The following L3MBTL4 variants were observed in gnomAD, a reference collection of about 807,000 sequenced individuals.
The protein encoded by L3MBTL4 is L3MBTL histone methyl-lysine binding protein 4, also known as lethal(3)malignant brain tumor-like protein 4.
A neutral mutation model predicts 84.5 loss-of-function variants in L3MBTL4; 70 were observed. The ratio of observed to expected loss-of-function variants is 0.83; its 90% CI spans 0.68 to 1.01. The LOEUF is 1.01. Among genes scored for constraint, L3MBTL4 ranks in the 50% least tolerant of loss-of-function variants. L3MBTL4 has a pLI of 0.00. For missense variants in L3MBTL4, 715 were observed against 754.8 expected (o/e 0.95, Z 0.62); for synonymous variants, 274 against 259.8 (o/e 1.05, Z -0.52).
At chr18:6,099,775 TAC>T (rs1199387346) in intron 14 of L3MBTL4, among the ~76,000 whole-genome samples, 3 of 151,100 alleles carry the variant, frequency 2.0e-5, no homozygotes, top group African/African-American at 7.3e-5. Context: ...AAAAATTTAG[TAC>T]ACACAGAGTA....
At chr18:6,315,690 C>T (rs957658143) in intron 1 of L3MBTL4, among the ~76,000 whole-genome samples, 8 of 152,130 alleles carry the variant, frequency 5.3e-5, no homozygotes, top group Admixed American at 5.2e-4. Context: ...CCACTCAGTA[C>T]GCTAGCCAAA....
chr18:6,196,157 C>CTTTTTTTTTTTTTT (rs71370547), intron 12 of L3MBTL4, among the ~76,000 whole-genome samples: 5 of 130,194 alleles, frequency 3.8e-5, no homozygotes, highest in African/African-American at 1.3e-4. Context: ...TAGAGTTCCT[C>CTTTTTTTTTTTTTT]TTTTTTTTTT....
intron 3 of L3MBTL4, among the ~76,000 whole-genome samples, chr18:6,308,410 G>T (rs343238): frequency 0.25 from 37,727 of 151,982 alleles, 5,710 homozygotes; most frequent in African/African-American, 0.42. Flanking sequence ...CATATCCTTT[G>T]GTACAATAAT....
At chr18:6,234,538 T>C (rs1275438599) in intron 10 of L3MBTL4, among the ~76,000 whole-genome samples, 1 of 152,186 alleles carries the variant, frequency 6.6e-6, no homozygotes, top group African/African-American at 2.4e-5. Context: ...AAAGAAGATA[T>C]TTATGCAGCC....
At chr18:5,984,447 C>T (rs1044093924) in intron 16 of L3MBTL4, among the ~76,000 whole-genome samples, 1 of 152,172 alleles carries the variant, frequency 6.6e-6, no homozygotes, top group Admixed American at 6.5e-5. Flanking sequence ...TTTTTAGTGG[C>T]TTCCATTATG....
chr18:6,311,357 G>A (rs1316186161), intron 3 of L3MBTL4, among the ~76,000 whole-genome samples, 197 bp downstream of exon 3: 1 of 151,658 alleles, frequency 6.6e-6, no homozygotes, highest in Non-Finnish European at 1.5e-5. Context: ...TTAAAGTTAA[G>A]ATCACCTTTT....
intron 1 of L3MBTL4, among the ~76,000 whole-genome samples, chr18:6,339,099 G>A (rs191488220): frequency 6.6e-5 from 10 of 152,142 alleles, no homozygotes; most frequent in East Asian, 1.9e-4. Flanking sequence ...AACCAGATCC[G>A]CCCCTTCCGC....
chr18:6,404,976 G>A (rs1044454846), intron 1 of L3MBTL4, among the ~76,000 whole-genome samples: 2 of 152,044 alleles, frequency 1.3e-5, no homozygotes, highest in Non-Finnish European at 2.9e-5. Flanking sequence ...GATTACAGGT[G>A]GGACCCACCA....
At chr18:6,337,607 T>C (rs943935035) in intron 1 of L3MBTL4, among the ~76,000 whole-genome samples, 4 of 152,128 alleles carry the variant, frequency 2.6e-5, no homozygotes, top group African/African-American at 9.7e-5. Flanking sequence ...ATAGTATCTG[T>C]AGAAAATAGT....
chr18:6,053,637 G>A (rs2056913348), intron 16 of L3MBTL4, among the ~76,000 whole-genome samples: 1 of 152,158 alleles, frequency 6.6e-6, no homozygotes, highest in Non-Finnish European at 1.5e-5. Context: ...TCAAAACAAC[G>A]AATGCAACTG....
At chr18:6,303,014 G>A (rs1430156112) in intron 3 of L3MBTL4, among the ~76,000 whole-genome samples, 3 of 151,882 alleles carry the variant, frequency 2.0e-5, no homozygotes, top group Non-Finnish European at 4.4e-5. Context: ...TAATAATTAT[G>A]TACTTAAAAA....
intron 5 of L3MBTL4, chr18:6,259,957 T>C (rs1037565032): frequency 6.6e-6 from 1 of 152,224 alleles, no homozygotes; most frequent in African/African-American, 2.4e-5. Flanking sequence ...CTTGATTTAG[T>C]TTTTGTATAT....
At chr18:6,031,643 GC>G in intron 16 of L3MBTL4, 1 of 969,718 alleles carries the variant, frequency 1.0e-6, no homozygotes, top group Non-Finnish European at 1.2e-6. Context: ...GATGACCAGG[GC>G]AGCTGACTCA....
chr18:6,060,391 CT>C (rs1334761946), intron 16 of L3MBTL4, among the ~76,000 whole-genome samples: 244 of 144,092 alleles, frequency 1.7e-3, no homozygotes, highest in South Asian at 5.5e-3. Context: ...TCGCAATCAG[CT>C]TTTTTTTTTT....
intron 13 of L3MBTL4, among the ~76,000 whole-genome samples, chr18:6,153,512 T>C (rs1397993923): frequency 6.6e-6 from 1 of 152,190 alleles, no homozygotes; most frequent in Non-Finnish European, 1.5e-5. Flanking sequence ...TGTTAGTGTA[T>C]AAAGACCCAA....
At chr18:6,266,424 T>C (rs2048635437) in intron 4 of L3MBTL4, among the ~76,000 whole-genome samples, 1 of 152,208 alleles carries the variant, frequency 6.6e-6, no homozygotes, top group Non-Finnish European at 1.5e-5. Context: ...AGTCCTAATT[T>C]TAGCATCTAT....
intron 4 of L3MBTL4, among the ~76,000 whole-genome samples, chr18:6,272,976 G>A (rs759045941): frequency 8.6e-5 from 2 of 23,248 alleles, no homozygotes; most frequent in Non-Finnish European, 1.5e-4. Context: ...TCAGGAGCAC[G>A]GGGAAAGGGA....
chr18:6,249,586 G>A (rs1036345139), intron 5 of L3MBTL4, among the ~76,000 whole-genome samples: 2 of 151,988 alleles, frequency 1.3e-5, no homozygotes, highest in Admixed American at 6.6e-5. Flanking sequence ...AAAATAAAAC[G>A]TTCATTTTAA....
At chr18:6,046,757 G>A in intron 16 of L3MBTL4, 1 of 774,790 alleles carries the variant, frequency 1.3e-6, no homozygotes, top group South Asian at 1.4e-5. Flanking sequence ...CACAAGCACT[G>A]TGAAGAGAAA....
Sources: allele counts gnomAD v4.1 joint callset (sites outside exome capture counted in the v4.1 genomes callset), GRCh38; gene constraint gnomAD v4.1.1; transcripts MANE v1.5; gene names NCBI Gene and HGNC (gene_info 2026-07-23, HGNC 2026-07-21).